The following ARHGAP22 variants were observed in gnomAD, a reference collection of about 807,000 sequenced individuals.
The protein encoded by ARHGAP22 is Rho GTPase activating protein 22.
In ARHGAP22, 48 loss-of-function variants were observed where a neutral mutation model predicts 59.1. The ratio of observed to expected loss-of-function variants is 0.81; its 90% CI spans 0.64 to 1.03. The LOEUF (loss-of-function observed/expected upper bound fraction) is 1.03, where lower values mean the gene tolerates loss of function less well. ARHGAP22 is among the 50% of genes least tolerant of loss of function. The pLI, the probability that ARHGAP22 is intolerant of heterozygous loss-of-function variation, is 0.00. For missense variants in ARHGAP22, 1,015 were observed against 958.7 expected, an observed-to-expected ratio of 1.06 and a Z score of -0.78; for synonymous variants, 445 against 416.4, an observed-to-expected ratio of 1.07 and a Z score of -0.84.
At chr10:48,462,763 A>G (rs1261828337) in intron 4 of ARHGAP22, among the ~76,000 whole-genome samples, 1 of 152,242 alleles carries the variant, frequency 6.6e-6, no homozygotes, top group Admixed American at 6.5e-5. Context: ...CCAAGGGGCC[A>G]TTCATCAGCC....
chr10:48,639,645 T>A (rs1376328846), intron 1 of ARHGAP22, among the ~76,000 whole-genome samples: 1 of 152,180 alleles, frequency 6.6e-6, no homozygotes, highest in African/African-American at 2.4e-5. Context: ...ATAACAGATA[T>A]TAGTGGCTAT....
intron 7 of ARHGAP22, 85 bp downstream of exon 7, chr10:48,454,003 G>C (rs537049251): frequency 7.1e-7 from 1 of 1,411,638 alleles, no homozygotes; most frequent in South Asian, 1.2e-5. Context: ...CCTCTGACAA[G>C]GAAGAGTTGC....
At chr10:48,509,748 G>A (rs1000337025) in intron 3 of ARHGAP22, among the ~76,000 whole-genome samples, 13 of 152,198 alleles carry the variant, frequency 8.5e-5, no homozygotes, top group African/African-American at 7.2e-5. Flanking sequence ...GGAGGGGGCC[G>A]TGACATCCTT....
At chr10:48,567,028 T>G (rs997991728) in intron 2 of ARHGAP22, among the ~76,000 whole-genome samples, 3 of 152,216 alleles carry the variant, frequency 2.0e-5, no homozygotes, top group Non-Finnish European at 2.9e-5. Context: ...TCAGAGCTCA[T>G]GGCCTCTTCC....
At chr10:48,634,901 G>T (rs78708385) in intron 1 of ARHGAP22, among the ~76,000 whole-genome samples, 1 of 152,158 alleles carries the variant, frequency 6.6e-6, no homozygotes, top group Non-Finnish European at 1.5e-5. Flanking sequence ...TAAGGACACA[G>T]ATACCAACTG....
chr10:48,489,923 T>C (rs969922535), intron 3 of ARHGAP22, among the ~76,000 whole-genome samples: 2 of 152,052 alleles, frequency 1.3e-5, no homozygotes, highest in Non-Finnish European at 1.5e-5. Context: ...TTAGTAGAGA[T>C]GGGGTTTCAC....
At chr10:48,616,145 T>A (rs10776630) in intron 1 of ARHGAP22, among the ~76,000 whole-genome samples, 84,044 of 151,922 alleles carry the variant, frequency 0.55, 23,712 homozygotes, top group African/African-American at 0.66. Flanking sequence ...TATCAGTGCC[T>A]ATTTTCCAGT....
chr10:48,517,245 TA>T (rs1314704181), intron 3 of ARHGAP22, among the ~76,000 whole-genome samples: 1 of 152,230 alleles, frequency 6.6e-6, no homozygotes, highest in Non-Finnish European at 1.5e-5. Flanking sequence ...AATTAATTTC[TA>T]TAATACATGA....
intron 3 of ARHGAP22, among the ~76,000 whole-genome samples, chr10:48,551,145 C>T (rs1430931258): frequency 6.6e-6 from 1 of 152,180 alleles, no homozygotes; most frequent in Non-Finnish European, 1.5e-5. Flanking sequence ...TTGCAGTTCC[C>T]TCCCTGGTGG....
chr10:48,555,422 C>A (rs1258950371), intron 3 of ARHGAP22, 41 bp downstream of exon 3: 1 of 1,592,726 alleles, frequency 6.3e-7, no homozygotes, highest in Admixed American at 1.7e-5. Flanking sequence ...CATGGCAACA[C>A]CCCCACCAGG....
intron 3 of ARHGAP22, among the ~76,000 whole-genome samples, chr10:48,530,716 G>A (rs1203920611): frequency 1.3e-5 from 2 of 152,058 alleles, no homozygotes; most frequent in African/African-American, 2.4e-5. Context: ...AAACCACAAC[G>A]CGATACCACC....
At position 48,605,041 on chromosome 10, in the gene ARHGAP22, T is replaced by A; in HGVS notation, c.-245A>T. On this transcript the variant is annotated 5_prime_UTR_variant, in exon 1 of 10. Coordinates refer to ENST00000249601, the MANE Select transcript of ARHGAP22 (RefSeq NM_021226.4). ...ATTAATTCCCATCCAAGCGGACCAT[T>A]AAAGCCTCAGTAATCACTGCTGATC... 7.0e-7 allele frequency: 1 copy of A among 1,423,490 alleles called. No homozygotes were observed. The allele number at this position is 1,423,490 out of a possible 1,614,324, so 88.2% of individuals were successfully genotyped here. A position where few individuals can be genotyped will look rare whatever the true frequency, so the allele number is the denominator to read the frequency against.
At chr10:48,445,810 CG>C (rs11322557), downstream of ARHGAP22, 150,043 of 155,786 alleles carry the variant, frequency 0.96, 72,464 homozygotes, top group Non-Finnish European at 0.99. Flanking sequence ...GGCTACGGGG[CG>C]GGGGGGAGTA....
chr10:48,531,063 T>G (rs11596336), intron 3 of ARHGAP22, among the ~76,000 whole-genome samples: 1 of 152,112 alleles, frequency 6.6e-6, no homozygotes, highest in African/African-American at 2.4e-5. Context: ...AAATGTAGTA[T>G]ATAAATACCA....
In ARHGAP22 at chr10:48,477,250, C is replaced by G. The variant is rs536890529; in HGVS notation, c.451+2386G>C. Among the ~76,000 whole-genome samples the G allele has an allele frequency of 3.9e-4, 59 of 152,320 alleles. No homozygotes were observed. In the Middle Eastern group the frequency reaches 0.01, roughly 26 times the overall value. On this transcript the variant is annotated intron_variant, in intron 4 of 9. Transcript: ENST00000249601. ...AGTTTACTTCTGCCCTGTGTTTCAA[C>G]TTTATATAGGTAGATAATACAACAT...
intron 3 of ARHGAP22, among the ~76,000 whole-genome samples, chr10:48,492,127 G>T (rs2050460430): frequency 6.6e-6 from 1 of 152,184 alleles, no homozygotes; most frequent in Non-Finnish European, 1.5e-5. Flanking sequence ...AGAAAAAAGG[G>T]TAACTGATAT....
At chr10:48,438,462 C>T in the ARHGAP22 span, 4 of 152,218 alleles carry the variant, frequency 2.6e-5, no homozygotes, top group East Asian at 1.9e-4. Flanking sequence ...GACTGCTCTT[C>T]GTTAAGTGCT....
intron 3 of ARHGAP22, among the ~76,000 whole-genome samples, chr10:48,551,074 G>A (rs543012717): frequency 6.6e-6 from 1 of 152,212 alleles, no homozygotes; most frequent in Non-Finnish European, 1.5e-5. Flanking sequence ...TGCACCCTGG[G>A]CACTGGGGTG....
intron 1 of ARHGAP22, among the ~76,000 whole-genome samples, chr10:48,619,113 A>G (rs1476117132): frequency 2.0e-5 from 3 of 152,162 alleles, no homozygotes; most frequent in African/African-American, 7.2e-5. Context: ...ACTACAAAAA[A>G]ATACCCAGGA....
Sources: gnomAD v4.1 joint callset for allele counts (sites outside exome capture counted in the v4.1 genomes callset) on GRCh38, gnomAD v4.1.1 for gene constraint, MANE v1.5 for transcripts, NCBI Gene and HGNC (gene_info 2026-07-23, HGNC 2026-07-21) for gene names.